The following AGAP1 variants were observed in gnomAD, a reference collection of about 807,000 sequenced individuals.
AGAP1 encodes ArfGAP with GTPase domain, ankyrin repeat and PH domain 1.
A neutral mutation model predicts 105.3 loss-of-function variants in AGAP1; 29 were observed. That is an observed-to-expected ratio of 0.28 (90% CI 0.21 to 0.38). The LOEUF is 0.38. AGAP1 is among the 10% of genes least tolerant of loss of function. The pLI, the probability that AGAP1 is intolerant of heterozygous loss-of-function variation, is 1.00. For missense variants in AGAP1, 998 were observed against 1,165.1 expected, an observed-to-expected ratio of 0.86 and a Z score of 2.09; for synonymous variants, 509 against 485.9, an observed-to-expected ratio of 1.05 and a Z score of -0.63.
chr2:235,618,328 GT>G (rs1270976638), intron 1 of AGAP1, among the ~76,000 whole-genome samples: 5 of 152,102 alleles, frequency 3.3e-5, no homozygotes, highest in Non-Finnish European at 7.3e-5. Context: ...GGAGCAGTTG[GT>G]TTTCCTTGGC....
chr2:236,066,538 T>C (rs1345593419), intron 16 of AGAP1, among the ~76,000 whole-genome samples: 1 of 152,204 alleles, frequency 6.6e-6, no homozygotes, highest in Non-Finnish European at 1.5e-5. Flanking sequence ...ATTACTAGAA[T>C]TTTGAATACC....
chr2:235,656,717 T>C (rs968834150), intron 1 of AGAP1, among the ~76,000 whole-genome samples: 1 of 152,184 alleles, frequency 6.6e-6, no homozygotes, highest in Non-Finnish European at 1.5e-5. Context: ...AAGTGTGCGC[T>C]CACCATTGCT....
In AGAP1 at chr2:235,586,100, GCT is replaced by G. The variant is rs1300731686; in HGVS notation, c.163+91252_163+91253del. Among the ~76,000 whole-genome samples the G allele has an allele frequency of 6.6e-6, 1 of 152,068 alleles. No homozygotes were observed. Among genetic ancestry groups the G allele is most frequent in the Admixed American group, 6.5e-5 (1 of 15,268 alleles). The stretch of plus-strand genomic sequence containing the variant: ...GAGTCAAATGCAAGTTGGGGAAGTG[GCT>G]GAAAAAAATGCCTCCTGGAAAAAGC... On this transcript the variant is annotated intron_variant, in intron 1 of 17. Transcript: ENST00000304032. The surrounding 1 kb of genome is among the most constrained non-coding windows in gnomAD (Gnocchi z 4.2).
At chr2:236,067,840 G>A (rs556805768) in intron 16 of AGAP1, among the ~76,000 whole-genome samples, 42 of 152,296 alleles carry the variant, frequency 2.8e-4, no homozygotes, top group Non-Finnish European at 5.0e-4. Flanking sequence ...AGTAATGACC[G>A]TTCCTGGATG....
In AGAP1 at chr2:235,658,956, CCCT is replaced by C. The variant is rs576799274; in HGVS notation, c.164-50215_164-50213del. Among the ~76,000 whole-genome samples, 195 of 152,336 alleles carry C rather than the reference CCCT, an allele frequency of 1.3e-3. 2 individuals are homozygous for C. Among genetic ancestry groups the C allele is most frequent in the African/African-American group, 4.4e-3 (183 of 41,584 alleles). The stretch of plus-strand genomic sequence containing the variant: ...AGCACGTTGCTTTTCTCTCTGCCCT[CCCT>C]CCTCCTCTTTCCTCCCTTCTGCTCT... On this transcript the variant is annotated intron_variant, in intron 1 of 17. Transcript: ENST00000304032.
At position 235,979,154 on chromosome 2, in the gene AGAP1, TG is replaced by T. The variant is rs1355037304; in HGVS notation, c.1645+10534del. 2.0e-5 allele frequency among the ~76,000 whole-genome samples: 3 copies of T among 147,894 alleles called. No individual in the cohort carries two copies. The highest frequency in any genetic ancestry group is 3.0e-5 in the Non-Finnish European group (2 of 67,670). ...GTTGTTGTTTTTGTTTTTTTTTTTTTGGGATATGATCTCACTGTGTTGTCCG... is the reference window on the plus strand; with the variant it reads ...GTTGTTGTTTTTGTTTTTTTTTTTTTGGATATGATCTCACTGTGTTGTCCG... On this transcript the variant is annotated intron_variant, in intron 13 of 17. Transcript: ENST00000304032. This position sits in a 1 kb window ranked among gnomAD's most constrained non-coding sequence, Gnocchi z 4.5.
intron 6 of AGAP1, among the ~76,000 whole-genome samples, chr2:235,761,233 TCTG>T (rs1003196656): frequency 5.9e-5 from 9 of 152,338 alleles, no homozygotes; most frequent in African/African-American, 2.2e-4. Flanking sequence ...TGTGATCTCT[TCTG>T]GCAATTTCTT....
At chr2:235,697,584 T>C (rs758799198) in intron 1 of AGAP1, among the ~76,000 whole-genome samples, 3 of 152,096 alleles carry the variant, frequency 2.0e-5, no homozygotes, top group Non-Finnish European at 4.4e-5. Flanking sequence ...CCACGGACCC[T>C]CCCCCAACCA....
intron 1 of AGAP1, among the ~76,000 whole-genome samples, chr2:235,527,981 C>T (rs1374495178): frequency 6.6e-6 from 1 of 152,164 alleles, no homozygotes; most frequent in Non-Finnish European, 1.5e-5. Flanking sequence ...TCATAACTAG[C>T]CACACTTCTT....
chr2:235,980,959 TG>T (rs1247151920), intron 13 of AGAP1, among the ~76,000 whole-genome samples: 2 of 152,254 alleles, frequency 1.3e-5, no homozygotes, highest in African/African-American at 4.8e-5. Flanking sequence ...AAGTGAAAAC[TG>T]GTATAAACCA....
chr2:235,838,049 C>A (rs891109046), intron 9 of AGAP1, among the ~76,000 whole-genome samples: 3 of 152,088 alleles, frequency 2.0e-5, no homozygotes, highest in African/African-American at 7.2e-5. Context: ...AGCTGGGCGT[C>A]GTGGTGTGCA....
At position 235,631,007 on chromosome 2, in the gene AGAP1, T is replaced by A. The variant is rs1412841866; in HGVS notation, c.164-78172T>A. Among the ~76,000 whole-genome samples the A allele has an allele frequency of 1.3e-5, 2 of 152,152 alleles. No individual in the cohort carries two copies. Among genetic ancestry groups the A allele is most frequent in the Non-Finnish European group, 2.9e-5 (2 of 68,036 alleles). ...TATTGTGAACACATTCTCTGGTAAC[T>A]GTGAATCGTGTCGTAAAACGCGTCT... On this transcript the variant is annotated intron_variant, in intron 1 of 17. Coordinates refer to ENST00000304032, the MANE Select transcript of AGAP1 (RefSeq NM_001037131.3). This position sits in a 1 kb window ranked among gnomAD's most constrained non-coding sequence, Gnocchi z 5.4.
rs1249216378 is a variant in AGAP1 at position 236,001,365 on chromosome 2, G to T, written c.1645+32742G>T. Among the ~76,000 whole-genome samples the T allele has an allele frequency of 6.6e-6, 1 of 152,180 alleles. No individual in the cohort carries two copies. Among genetic ancestry groups the T allele is most frequent in the Non-Finnish European group, 1.5e-5 (1 of 68,024 alleles). On this transcript the variant is annotated intron_variant, in intron 13 of 17. Coordinates refer to ENST00000304032, the MANE Select transcript of AGAP1 (RefSeq NM_001037131.3). This position sits in a 1 kb window ranked among gnomAD's most constrained non-coding sequence, Gnocchi z 4.7. ...ATTGTGGCAGGTGCAGGCCGCTAGT[G>T]CCCCCCACCCAGTCTCTGTGTCCTC... is the stretch of plus-strand genomic sequence containing the variant.
rs1227589641 is a variant in AGAP1, at chr2:235,723,073, G to GT, written c.310+5430dup. Among the ~76,000 whole-genome samples, 6 of 152,180 alleles carry GT rather than the reference G, an allele frequency of 3.9e-5. No individual in the cohort carries two copies. The highest frequency in any genetic ancestry group is 1.2e-4 in the African/African-American group (5 of 41,436). ...CTTGGTGGTGGTCATGGTTCTGCCA[G>GT]TGATGCTTTTGCAAGCTCTGCTGGT... On this transcript the variant is annotated intron_variant, in intron 3 of 17. Coordinates refer to ENST00000304032, the MANE Select transcript of AGAP1 (RefSeq NM_001037131.3). The surrounding 1 kb of genome is among the most constrained non-coding windows in gnomAD (Gnocchi z 6.2).
Position 236,050,777 on chromosome 2 carries a change from G to T in AGAP1, c.2114+1496G>T, listed in dbSNP as rs1317048014. ...GCACATTCACTATTTTTAATATCATGAATTATTAGAAAAGTTTGTTTATCC... is the reference window on the plus strand; with the variant it reads ...GCACATTCACTATTTTTAATATCATTAATTATTAGAAAAGTTTGTTTATCC... On this transcript the variant is annotated intron_variant, in intron 16 of 17. Coordinates refer to ENST00000304032, the MANE Select transcript of AGAP1 (RefSeq NM_001037131.3). This position sits in a 1 kb window ranked among gnomAD's most constrained non-coding sequence, Gnocchi z 4.0. Among the ~76,000 whole-genome samples, 6 of 152,130 alleles carry T rather than the reference G, an allele frequency of 3.9e-5. No homozygotes were observed. The East Asian group carries it at 1.2e-3, about 29-fold the overall frequency.
rs1312721178 is a variant in AGAP1, at chr2:235,979,788, C to A, written c.1645+11165C>A. 6.6e-6 allele frequency among the ~76,000 whole-genome samples: 1 copy of A among 152,154 alleles called. No individual in the cohort carries two copies. Among genetic ancestry groups the A allele is most frequent in the Non-Finnish European group, 1.5e-5 (1 of 68,032 alleles). On this transcript the variant is annotated intron_variant, in intron 13 of 17. Coordinates refer to ENST00000304032, the MANE Select transcript of AGAP1 (RefSeq NM_001037131.3). This position sits in a 1 kb window ranked among gnomAD's most constrained non-coding sequence, Gnocchi z 4.5. ...GAGTTCATGAAAAGTGCCTACTGCA[C>A]ACAGTTTAATTCTATTTAATTTTTT...
At chr2:235,828,230 A>T (rs1429050805) in intron 9 of AGAP1, among the ~76,000 whole-genome samples, 2 of 152,230 alleles carry the variant, frequency 1.3e-5, no homozygotes, top group Non-Finnish European at 2.9e-5. Flanking sequence ...ATTCCTCTGC[A>T]CTAGGCCGAC....
intron 1 of AGAP1, among the ~76,000 whole-genome samples, chr2:235,544,471 C>G (rs538816946): frequency 1.3e-5 from 2 of 152,332 alleles, no homozygotes; most frequent in East Asian, 3.9e-4. Flanking sequence ...AGCATCTGAA[C>G]CTTCCCGTGG....
intron 1 of AGAP1, among the ~76,000 whole-genome samples, chr2:235,592,063 C>G (rs1326821775): frequency 1.3e-5 from 2 of 152,218 alleles, no homozygotes; most frequent in Non-Finnish European, 2.9e-5. Flanking sequence ...TATAGCAACG[C>G]AAGAACAGAC....
Sources: gnomAD v4.1 joint callset for allele counts (sites outside exome capture counted in the v4.1 genomes callset) on GRCh38, gnomAD v4.1.1 for gene constraint, Gnocchi (gnomAD v3.1) non-coding constraint, MANE v1.5 for transcripts, NCBI Gene and HGNC (gene_info 2026-07-23, HGNC 2026-07-21) for gene names.